RAB38: variants seen among roughly 807,000 people sequenced by gnomAD.
RAB38 encodes ras-related protein Rab-38.
Under a neutral mutation model 18.4 loss-of-function variants are expected in RAB38, and 15 were observed. The ratio of observed to expected loss-of-function variants is 0.82; its 90% CI spans 0.55 to 1.26. The LOEUF (loss-of-function observed/expected upper bound fraction) is 1.26. Ranked by LOEUF, RAB38 falls within the 50% of genes most tolerant of loss-of-function variation. The pLI is 0.00. For synonymous variants in RAB38, 101 were observed against 104.4 expected (o/e 0.97, Z 0.20); for missense variants, 294 against 267.4 (o/e 1.10, Z -0.69).
At chr11:88,129,920 A>C (rs1204681452) in intron 2 of RAB38, among the ~76,000 whole-genome samples, 1 of 151,848 alleles carries the variant, frequency 6.6e-6, no homozygotes, top group East Asian at 2.0e-4. Flanking sequence ...TAATATTCAT[A>C]TTCAAAGGTG....
At chr11:87,889,378 T>A in the RAB38 span, among the ~76,000 whole-genome samples, 1 of 151,926 alleles carries the variant, frequency 6.6e-6, no homozygotes, top group South Asian at 2.1e-4. Flanking sequence ...CCTAGTTTAT[T>A]TCTTCTCATC....
At chr11:87,977,399 AATT>A in the RAB38 span, among the ~76,000 whole-genome samples, 5 of 52,936 alleles carry the variant, frequency 9.4e-5, no homozygotes, top group African/African-American at 4.6e-4. Flanking sequence ...TTATATATAT[AATT>A]ATATTATAAA....
chr11:88,005,148 A>G, the RAB38 span, among the ~76,000 whole-genome samples: 3 of 151,454 alleles, frequency 2.0e-5, no homozygotes, highest in African/African-American at 7.2e-5. Flanking sequence ...ACTTCTATGG[A>G]AAATCAAGAA....
At chr11:87,965,242 T>G in the RAB38 span, among the ~76,000 whole-genome samples, 7 of 151,870 alleles carry the variant, frequency 4.6e-5, no homozygotes, top group South Asian at 8.3e-4. Flanking sequence ...GCCACAACTA[T>G]TAGTCAATTT....
chr11:87,832,488 C>A, the RAB38 span, among the ~76,000 whole-genome samples: 1 of 152,160 alleles, frequency 6.6e-6, no homozygotes, highest in African/African-American at 2.4e-5. Flanking sequence ...CTTCTGAGCT[C>A]ATTGAGATTA....
chr11:88,174,639 AAACAAAAC>A (rs1943356600), intron 1 of RAB38, among the ~76,000 whole-genome samples: 3 of 125,518 alleles, frequency 2.4e-5, no homozygotes, highest in African/African-American at 8.4e-5. Context: ...AAAAAAAAAA[AAACAAAAC>A]AAAAACCCTC....
intron 2 of RAB38, among the ~76,000 whole-genome samples, chr11:88,130,038 T>C (rs536766290): frequency 1.9e-4 from 29 of 152,304 alleles, no homozygotes; most frequent in African/African-American, 7.0e-4. Flanking sequence ...AGCAGCACAT[T>C]TGGAAGTATT....
the RAB38 span, among the ~76,000 whole-genome samples, chr11:88,070,569 T>C: frequency 1.3e-5 from 2 of 152,228 alleles, no homozygotes; most frequent in African/African-American, 4.8e-5. Flanking sequence ...CAGGAAATGT[T>C]TCCTACGTTT....
chr11:87,868,093 T>C, the RAB38 span, among the ~76,000 whole-genome samples: 1 of 151,720 alleles, frequency 6.6e-6, no homozygotes, highest in Non-Finnish European at 1.5e-5. Flanking sequence ...AGCTTGGATA[T>C]GAGTGTCCCT....
chr11:88,089,689 C>CTCTCTATGAACTTTTCTGGTT, the RAB38 span, among the ~76,000 whole-genome samples: 1 of 151,874 alleles, frequency 6.6e-6, no homozygotes. Context: ...CTTAAAAAAC[C>CTCTCTATGAACTTTTCTGGTT]TCTCTATGAA....
chr11:87,945,852 G>A, the RAB38 span, among the ~76,000 whole-genome samples: 147 of 152,250 alleles, frequency 9.7e-4, no homozygotes, highest in African/African-American at 3.2e-3. Flanking sequence ...GAATATAACT[G>A]AGTAAAGATA....
rs1943253211 is a variant in RAB38, at chr11:88,166,947, G to A, written c.202+8236C>T. ...TAAGGCATTGATACAATAGTTGACT[G>A]AAAAACTTTATTGAACAAATACTAC... On this transcript the variant is annotated intron_variant, in intron 1 of 2. Transcript: ENST00000243662. 2 of 152,130 alleles carry A rather than the reference G, an allele frequency of 1.3e-5. 1 individual carries two copies. Among genetic ancestry groups the A allele is most frequent in the South Asian group, 4.1e-4 (2 of 4,836 alleles). 9.4% of individuals were successfully genotyped at this position (152,130 alleles called of 1,614,324 possible).
the RAB38 span, among the ~76,000 whole-genome samples, chr11:87,929,686 G>T: frequency 2.0e-5 from 3 of 151,480 alleles, no homozygotes; most frequent in African/African-American, 7.3e-5. Context: ...TTAACATTAG[G>T]TATATCTCCT....
chr11:87,809,647 G>C, the RAB38 span, among the ~76,000 whole-genome samples: 1 of 151,392 alleles, frequency 6.6e-6, no homozygotes, highest in Non-Finnish European at 1.5e-5. Flanking sequence ...ATTTTTAAAA[G>C]AATAATCAGA....
the RAB38 span, among the ~76,000 whole-genome samples, chr11:87,849,161 T>G: frequency 6.6e-6 from 1 of 152,134 alleles, no homozygotes; most frequent in Non-Finnish European, 1.5e-5. Flanking sequence ...GTTGGTACAT[T>G]GGTACAAAAC....
chr11:88,175,260 A>G lies in RAB38; in HGVS notation c.125T>C (p.Ile42Thr), dbSNP rs1943372539. 6.2e-7 allele frequency: 1 copy of G among 1,613,986 alleles called. No individual in the cohort carries two copies. Among genetic ancestry groups the G allele is most frequent in the Non-Finnish European group, 8.5e-7 (1 of 1,180,020 alleles). Residue 42 changes from isoleucine (I) to threonine (T), a missense_variant, in exon 1 of 3, where the codon ATC (isoleucine) becomes ACC (threonine). Coordinates refer to ENST00000243662, the MANE Select transcript of RAB38 (RefSeq NM_022337.3). ...QNFSSHYRAT[I>T]GVDFALKVLH... ...CACCTTGAGCGCGAAGTCCACGCCG[A>G]TTGTGGCCCGGTAGTGCGAAGAGAA... is the stretch of plus-strand genomic sequence containing the variant.
the RAB38 span, among the ~76,000 whole-genome samples, chr11:88,036,994 A>G: frequency 6.6e-6 from 1 of 150,708 alleles, no homozygotes; most frequent in East Asian, 2.4e-4. Context: ...TCAATATTAC[A>G]TTTATTTCAA....
At chr11:88,126,019 T>C (rs1029351213) in intron 2 of RAB38, among the ~76,000 whole-genome samples, 10 of 152,184 alleles carry the variant, frequency 6.6e-5, no homozygotes, top group African/African-American at 2.4e-4. Flanking sequence ...AAAGACCAGA[T>C]AGTTGTAGAT....
the RAB38 span, among the ~76,000 whole-genome samples, chr11:87,938,772 G>C: frequency 1.3e-5 from 2 of 151,308 alleles, no homozygotes; most frequent in Non-Finnish European, 2.9e-5. Flanking sequence ...GCAAGTATAC[G>C]TAAGGCGAAA....
Sources: gnomAD v4.1 joint callset for allele counts (sites outside exome capture counted in the v4.1 genomes callset) on GRCh38, gnomAD v4.1.1 for gene constraint, MANE v1.5 for transcripts, NCBI Gene and HGNC (gene_info 2026-07-23, HGNC 2026-07-21) for gene names.